ZC3H7B: variants seen among roughly 807,000 people sequenced by gnomAD.
ZC3H7B encodes the protein zinc finger CCCH-type containing 7B.
ZC3H7B carries 35 observed loss-of-function variants against 116.0 expected under a neutral mutation model. That is an observed-to-expected ratio of 0.30 (90% CI 0.23 to 0.40). ZC3H7B has a LOEUF of 0.40. Among genes scored for constraint, ZC3H7B ranks in the 10% least tolerant of loss-of-function variants. The probability of loss-of-function intolerance (pLI) is 1.00; values close to 1 mark genes in which losing one functional copy is unlikely to be tolerated. For missense variants in ZC3H7B, 1,011 were observed against 1,321.5 expected (o/e 0.77, Z 3.64); for synonymous variants, 502 against 545.6 (o/e 0.92, Z 1.11).
At chr22:41,339,720 A>C in intron 9 of ZC3H7B, 96 bp from the exon 10 acceptor site, 1 of 1,171,714 alleles carries the variant, frequency 8.5e-7, no homozygotes, top group Non-Finnish European at 1.2e-6. Context: ...GCCAGGCGAC[A>C]GGGTGCAGGT....
intron 1 of ZC3H7B, among the ~76,000 whole-genome samples, chr22:41,305,112 C>T (rs910062373): frequency 1.3e-5 from 2 of 152,214 alleles, no homozygotes; most frequent in East Asian, 1.9e-4. Context: ...TTTGGGACGC[C>T]GGGGCGGGTG....
At chr22:41,325,416 G>A in intron 2 of ZC3H7B, 148 bp from the exon 3 acceptor site, 2 of 1,047,868 alleles carry the variant, frequency 1.9e-6, no homozygotes, top group East Asian at 2.6e-5. Context: ...AGGCCTGCAT[G>A]GCAATGATTT....
chr22:41,348,873 T>C (rs2036622027), intron 15 of ZC3H7B, among the ~76,000 whole-genome samples: 2 of 152,142 alleles, frequency 1.3e-5, no homozygotes, highest in African/African-American at 4.8e-5. Context: ...GCCCTTTGCT[T>C]GTTGGCAGCT....
In ZC3H7B at chr22:41,343,435, A is replaced by G. The variant is rs1569240711; in HGVS notation, c.1318A>G (p.Thr440Ala). 1 of 1,613,046 alleles carries G rather than the reference A, an allele frequency of 6.2e-7. No homozygotes were observed. Among genetic ancestry groups the G allele is most frequent in the East Asian group, 2.2e-5 (1 of 44,856 alleles). The change falls in exon 13 of 23, where the codon ACC (threonine) becomes GCC (alanine). Residue 440 changes from threonine to alanine, a missense_variant. Physicochemically the swap from Thr to Ala is moderately conservative, Grantham distance 58. Transcript: ENST00000352645. ...PKTGPRAGDY[T>A]YREGLEHKCK... is the part of the protein sequence containing the mutation. ...CATAGGCCCCCGGGCTGGCGACTAC[A>G]CCTACCGTGAGGGCCTTGAGCACAA...
At chr22:41,347,954 G>C in intron 14 of ZC3H7B, 113 bp from the exon 15 acceptor site, 1 of 857,284 alleles carries the variant, frequency 1.2e-6, no homozygotes, top group Non-Finnish European at 2.0e-6. Context: ...CTCTGACCCA[G>C]GGCAGGGCTT....
Position 41,348,141 on chromosome 22 carries a change from T to G in ZC3H7B, c.1740T>G (p.Ala580=), listed in dbSNP as rs200876631. 2.6e-5 allele frequency: 42 copies of G among 1,613,944 alleles called. No homozygotes were observed. In the Admixed American group the frequency reaches 7.0e-4, roughly 27 times the overall value. ...CTCCGTCTGTCTGCTCCAACCTGGC[T>G]GCCAAGCACAGCTTCTACAACAACA... The part of the protein sequence containing the change: ...KDSPSVCSNL[A]AKHSFYNNKC... The change falls in exon 15 of 23, where the codon GCT becomes GCG. Residue 580 remains alanine, a synonymous_variant. Transcript: ENST00000352645.
At chr22:41,341,415 C>T (rs2036521143) in intron 11 of ZC3H7B, among the ~76,000 whole-genome samples, 1 of 152,216 alleles carries the variant, frequency 6.6e-6, no homozygotes, top group African/African-American at 2.4e-5. Context: ...TTAGTAGCAT[C>T]CCTGGTCTCC....
At chr22:41,312,777 GGTGC>G (rs1433197238) in intron 1 of ZC3H7B, among the ~76,000 whole-genome samples, 1 of 151,942 alleles carries the variant, frequency 6.6e-6, no homozygotes, top group African/African-American at 2.4e-5. Context: ...CAAGCGTGAT[GGTGC>G]GTGCCTGTGG....
At position 41,357,805 on chromosome 22, in the gene ZC3H7B, A is replaced by G. The variant is rs558029648; in HGVS notation, c.*376A>G. ...TGGGGTCCCCACTTGAATCTCCAGC[A>G]GGAGGGTCCTTCTCTCCCTGGCCCG... On this transcript the variant is annotated 3_prime_UTR_variant, in exon 23 of 23. Transcript: ENST00000352645. This position sits in a 1 kb window ranked among gnomAD's most constrained non-coding sequence, Gnocchi z 5.4. 1.2e-4 allele frequency: 34 copies of G among 286,016 alleles called. No homozygotes were observed. The East Asian group carries it at 1.2e-3, about 10-fold the overall frequency. 17.7% of individuals were successfully genotyped at this position (286,016 alleles called of 1,614,324 possible).
chr22:41,339,113 C>A lies in ZC3H7B; in HGVS notation c.738C>A (p.Leu246=). The A allele has an allele frequency of 6.2e-7, 1 of 1,613,014 alleles. No homozygotes were observed. The highest frequency in any genetic ancestry group is 1.1e-5 in the South Asian group (1 of 90,702). ...LLAPLDSSRT[L]PSTDSLDDFS... Reference sequence around the variant, plus strand: ...CCCCCCTGGACAGCAGCAGGACCCTCCCCAGCACCGACAGCCTGGATGACT... The same window carrying A: ...CCCCCCTGGACAGCAGCAGGACCCTACCCAGCACCGACAGCCTGGATGACT... The change falls in exon 9 of 23, where the codon CTC becomes CTA. Residue 246 remains leucine, a synonymous_variant. Coordinates refer to ENST00000352645, the MANE Select transcript of ZC3H7B (RefSeq NM_017590.6).
At chr22:41,356,109 A>T in intron 20 of ZC3H7B, 47 bp downstream of exon 20, 1 of 1,505,430 alleles carries the variant, frequency 6.6e-7, no homozygotes, top group Non-Finnish European at 8.9e-7. Context: ...GTGTCTCTTC[A>T]GTGCTGAATG....
At chr22:41,312,189 C>T (rs917013989) in intron 1 of ZC3H7B, among the ~76,000 whole-genome samples, 3 of 150,340 alleles carry the variant, frequency 2.0e-5, no homozygotes, top group South Asian at 4.2e-4. Context: ...CATCCTAGCT[C>T]GGCGTGGTGG....
chr22:41,339,297 A>C, intron 9 of ZC3H7B, 106 bp downstream of exon 9: 36 of 1,367,084 alleles, frequency 2.6e-5, no homozygotes, highest in Middle Eastern at 1.9e-4. Flanking sequence ...CATGTGTCTC[A>C]GGAGGAGGCC....
intron 1 of ZC3H7B, among the ~76,000 whole-genome samples, chr22:41,310,834 G>A (rs2036107541): frequency 1.3e-5 from 2 of 151,816 alleles, no homozygotes; most frequent in Non-Finnish European, 2.9e-5. Flanking sequence ...GCACTATCTC[G>A]GCTCACTGCA....
intron 1 of ZC3H7B, among the ~76,000 whole-genome samples, chr22:41,315,741 G>A (rs1337583815): frequency 6.6e-6 from 1 of 152,134 alleles, no homozygotes; most frequent in Non-Finnish European, 1.5e-5. Flanking sequence ...GGAAGAGCAA[G>A]CTTGCTAGTG....
chr22:41,307,128 C>T (rs1008554796), intron 1 of ZC3H7B, among the ~76,000 whole-genome samples: 7 of 152,014 alleles, frequency 4.6e-5, no homozygotes, highest in Admixed American at 1.3e-4. Flanking sequence ...CACGCACCAC[C>T]ACACCTGGCT....
rs538356251 is a variant in ZC3H7B at position 41,310,939 on chromosome 22, G to A, written c.-7+9167G>A. On this transcript the variant is annotated intron_variant, in intron 1 of 22. Transcript: ENST00000352645. The stretch of plus-strand genomic sequence containing the variant: ...GCCACCACCCCCGGCTAATTTTTTT[G>A]TGTTTTTAGTAGAGAGGGGGTTTCA... 2.4e-3 allele frequency among the ~76,000 whole-genome samples: 370 copies of A among 152,036 alleles called. 2 individuals carry two copies. The highest frequency in any genetic ancestry group is 8.5e-3 in the African/African-American group (351 of 41,494).
At chr22:41,319,067 G>C (rs1276947034) in intron 1 of ZC3H7B, among the ~76,000 whole-genome samples, 1 of 152,144 alleles carries the variant, frequency 6.6e-6, no homozygotes, top group African/African-American at 2.4e-5. Flanking sequence ...TCAGGCGTTT[G>C]AGACTAGCCT....
chr22:41,329,935 C>T, intron 5 of ZC3H7B, 88 bp from the exon 6 acceptor site: 2 of 1,396,416 alleles, frequency 1.4e-6, no homozygotes, highest in South Asian at 1.3e-5. Flanking sequence ...ACTATGACCT[C>T]CCTCCGTAGG....
Sources: gnomAD v4.1 joint callset for allele counts (sites outside exome capture counted in the v4.1 genomes callset) on GRCh38, gnomAD v4.1.1 for gene constraint, Gnocchi (gnomAD v3.1) non-coding constraint, MANE v1.5 for transcripts, NCBI Gene and HGNC (gene_info 2026-07-23, HGNC 2026-07-21) for gene names.